Variants in HSP90B1 observed in about 807,000 individuals in gnomAD.
The protein encoded by HSP90B1 is heat shock protein 90 beta family member 1, also known as endoplasmin.
HSP90B1 carries 27 observed loss-of-function variants against 100.4 expected under a neutral mutation model. The ratio of observed to expected loss-of-function variants is 0.27; its 90% CI spans 0.20 to 0.37. HSP90B1 has a LOEUF of 0.37. HSP90B1 is among the 10% of genes least tolerant of loss of function. The probability of loss-of-function intolerance (pLI) is 1.00; values close to 1 mark genes in which losing one functional copy is unlikely to be tolerated. For synonymous variants in HSP90B1, 304 were observed against 330.8 expected (o/e 0.92, Z 0.88); for missense variants, 678 against 960.5 (o/e 0.71, Z 3.89).
chr12:103,935,273 G>T (rs938174000), intron 5 of HSP90B1, among the ~76,000 whole-genome samples: 12 of 152,198 alleles, frequency 7.9e-5, no homozygotes, highest in African/African-American at 2.9e-4. Flanking sequence ...GTTTGTATGG[G>T]TGAGACAGAG....
In HSP90B1 at chr12:103,943,566, AT is replaced by A; in HGVS notation, c.1891-170del. 1 of 725,090 alleles carries A rather than the reference AT, an allele frequency of 1.4e-6. No individual in the cohort carries two copies. The highest frequency in any genetic ancestry group is 2.2e-6 in the Non-Finnish European group (1 of 459,772). 44.9% of individuals were successfully genotyped at this position (725,090 alleles called of 1,614,324 possible). ...TTAAACTTCTGACTAGAAAATTCAG[AT>A]TATCAAGTAAGTGCCCCTACAAATT... On this transcript the variant is annotated intron_variant, in intron 13 of 17. Transcript: ENST00000299767. The surrounding 1 kb of genome is among the most constrained non-coding windows in gnomAD (Gnocchi z 5.3).
intron 15 of HSP90B1, 42 bp from the exon 16 acceptor site, chr12:103,946,744 G>C (rs754285734): frequency 1.2e-6 from 2 of 1,612,868 alleles, no homozygotes; most frequent in Admixed American, 1.7e-5. Context: ...TGAGTACTTT[G>C]TATCTTTTAA....
chr12:103,931,096 G>T (rs1869742151), intron 1 of HSP90B1, among the ~76,000 whole-genome samples: 1 of 152,202 alleles, frequency 6.6e-6, no homozygotes, highest in Non-Finnish European at 1.5e-5. Flanking sequence ...ATGCCTCTGG[G>T]CTCAATTTCA....
rs1173352756 is a variant in HSP90B1, at chr12:103,938,447, A to G, written c.963A>G (p.Pro321=). 4.3e-6 allele frequency: 7 copies of G among 1,609,334 alleles called. No homozygotes were observed. Among genetic ancestry groups the G allele is most frequent in the Admixed American group, 1.7e-5 (1 of 59,364 alleles). The change falls in exon 7 of 18, where the codon CCA becomes CCG. Residue 321 remains proline (P), a synonymous_variant. Transcript: ENST00000299767. ...AVEEEEEEKK[P]KTKKVEKTVW... ...AGGAAGAAGAAGAAGAAAAGAAACC[A>G]AAGACTAAAAAAGTAAGTCTGGTTT...
chr12:103,943,488 G>T lies in HSP90B1; in HGVS notation c.1890+169G>T. 1 of 713,238 alleles carries T rather than the reference G, an allele frequency of 1.4e-6. No individual in the cohort carries two copies. The highest frequency in any genetic ancestry group is 2.3e-6 in the Non-Finnish European group (1 of 439,482). 44.2% of individuals were successfully genotyped at this position (713,238 alleles called of 1,614,324 possible). A position where few individuals can be genotyped will look rare whatever the true frequency, so the allele number is the denominator to read the frequency against. On this transcript the variant is annotated intron_variant, in intron 13 of 17. Transcript: ENST00000299767. The surrounding 1 kb of genome is among the most constrained non-coding windows in gnomAD (Gnocchi z 5.3). ...AAAGCTTAAAACTTTCGACAATACT[G>T]CTTTGTTAATAACTTGTTACAAATT...
chr12:103,935,468 CAGTTTTA>C (rs747677639), intron 5 of HSP90B1, among the ~76,000 whole-genome samples: 68 of 119,936 alleles, frequency 5.7e-4, no homozygotes, highest in Non-Finnish European at 1.1e-3. Context: ...TTTCTTAATT[CAGTTTTA>C]AGTTTTCTTA....
chr12:103,942,677 C>A lies in HSP90B1; in HGVS notation c.1525C>A (p.Leu509Ile). ...CTCGAATCGAACACGTCTTGCTAAA[C>A]TTCTTAGGTTCCAGTCTTCTCATCA... The part of the protein sequence containing the change: ...DHSNRTRLAK[L>I]LRFQSSHHPT... The change falls in exon 12 of 18, where the codon CTT (leucine) becomes ATT (isoleucine). Residue 509 changes from leucine to isoleucine, a missense_variant. By Grantham distance (5) the Leu-to-Ile change is conservative (BLOSUM62 2). This residue lies in a region of HSP90B1 where 170 missense variants were observed against 236.7 expected (regional missense o/e 0.72). Transcript: ENST00000299767. The A allele has an allele frequency of 6.2e-7, 1 of 1,613,964 alleles. No homozygotes were observed. The highest frequency in any genetic ancestry group is 8.5e-7 in the Non-Finnish European group (1 of 1,179,854).
rs1169941328 is a variant in HSP90B1, at chr12:103,930,623, G to T, written c.49+59G>T. On this transcript the variant is annotated intron_variant, in intron 1 of 17. Transcript: ENST00000299767. The surrounding 1 kb of genome is among the most constrained non-coding windows in gnomAD (Gnocchi z 4.4). ...CCACACACGCGGCCGCTTCTCGAAG[G>T]TCCTGGGGGCGTTGAACGTGGGAGG... The T allele has an allele frequency of 2.0e-6, 3 of 1,535,308 alleles. No homozygotes were observed. Among genetic ancestry groups the T allele is most frequent in the Admixed American group, 3.9e-5 (2 of 50,786 alleles).
At position 103,943,803 on chromosome 12, in the gene HSP90B1, C is replaced by T. The variant is rs781455876; in HGVS notation, c.1956C>T (p.Tyr652=). The change falls in exon 14 of 18, where the codon TAC becomes TAT. Residue 652 remains tyrosine, a synonymous_variant. Transcript: ENST00000299767. This position sits in a 1 kb window ranked among gnomAD's most constrained non-coding sequence, Gnocchi z 5.3. ...CGTGTGCTTTGGTGGCCAGCCAGTACGGATGGTCTGGCAACATGGAGAGAA... is the reference window on the plus strand; with the variant it reads ...CGTGTGCTTTGGTGGCCAGCCAGTATGGATGGTCTGGCAACATGGAGAGAA... ...ESPCALVASQ[Y]GWSGNMERIM... 23 of 1,614,096 alleles carry T rather than the reference C, an allele frequency of 1.4e-5. No homozygotes were observed. Among genetic ancestry groups the T allele is most frequent in the East Asian group, 4.5e-5 (2 of 44,892 alleles).
At chr12:103,935,808 T>C (rs1475485813) in intron 5 of HSP90B1, among the ~76,000 whole-genome samples, 2 of 152,202 alleles carry the variant, frequency 1.3e-5, no homozygotes, top group Non-Finnish European at 2.9e-5. Context: ...CAAGAGATGT[T>C]AATGTCAGGT....
rs374505761 is a variant in HSP90B1 at position 103,942,674 on chromosome 12, A to G, written c.1522A>G (p.Lys508Glu). Residue 508 changes from lysine to glutamate, a missense_variant, in exon 12 of 18, where the codon AAA (lysine) becomes GAA (glutamate). By Grantham distance (56) the Lys-to-Glu change is moderately conservative (BLOSUM62 1). Around this residue, in one of 8 missense-constraint regions of HSP90B1, gnomAD observed 170 missense variants for 236.7 expected, o/e 0.72. Coordinates refer to ENST00000299767, the MANE Select transcript of HSP90B1 (RefSeq NM_003299.3). ...EDHSNRTRLA[K>E]LLRFQSSHHP... ...CCACTCGAATCGAACACGTCTTGCTAAACTTCTTAGGTTCCAGTCTTCTCA... is the reference window on the plus strand; with the variant it reads ...CCACTCGAATCGAACACGTCTTGCTGAACTTCTTAGGTTCCAGTCTTCTCA... The G allele has an allele frequency of 2.5e-6, 4 of 1,613,888 alleles. No homozygotes were observed. The highest frequency in any genetic ancestry group is 1.3e-5 in the African/African-American group (1 of 74,938).
At chr12:103,939,679 A>G in intron 8 of HSP90B1, 54 bp downstream of exon 8, 2 of 793,760 alleles carry the variant, frequency 2.5e-6, no homozygotes, top group Non-Finnish European at 4.1e-6. Context: ...ACAAAATATC[A>G]CCCTCTTAGT....
At position 103,943,537 on chromosome 12, in the gene HSP90B1, G is replaced by A. The variant is rs1186045329; in HGVS notation, c.1891-201G>A. The A allele has an allele frequency of 1.4e-6, 1 of 689,716 alleles. No individual in the cohort carries two copies. Among genetic ancestry groups the A allele is most frequent in the African/African-American group, 1.8e-5 (1 of 55,422 alleles). The allele number at this position is 689,716 out of a possible 1,614,324, so 42.7% of individuals were successfully genotyped here. A position where few individuals can be genotyped will look rare whatever the true frequency, so the allele number is the denominator to read the frequency against. ...TTAAATTTTATGTTTTTAAAAGGTG[G>A]TATTTAAACTTCTGACTAGAAAATT... On this transcript the variant is annotated intron_variant, in intron 13 of 17. Coordinates refer to ENST00000299767, the MANE Select transcript of HSP90B1 (RefSeq NM_003299.3). This position sits in a 1 kb window ranked among gnomAD's most constrained non-coding sequence, Gnocchi z 5.3.
intron 3 of HSP90B1, 63 bp from the exon 4 acceptor site, chr12:103,932,763 A>C: frequency 1.1e-6 from 1 of 885,364 alleles, no homozygotes; most frequent in Non-Finnish European, 1.9e-6. Context: ...GTTTGGCATA[A>C]AATCGAATAT....
intron 7 of HSP90B1, chr12:103,938,799 T>C (rs1869994167): frequency 6.4e-6 from 1 of 156,338 alleles, no homozygotes; most frequent in African/African-American, 2.4e-5. Context: ...AAAATGGTTC[T>C]CTGGCTTGCT....
chr12:103,935,108 A>G (rs750211161), intron 5 of HSP90B1, among the ~76,000 whole-genome samples: 18 of 152,218 alleles, frequency 1.2e-4, no homozygotes, highest in Non-Finnish European at 2.6e-4. Flanking sequence ...ATTCAAGATG[A>G]GTGGTAGCAA....
At position 103,947,392 on chromosome 12, in the gene HSP90B1, A is replaced by G. The variant is rs144178041; in HGVS notation, c.2344A>G (p.Met782Val). 1.7e-5 allele frequency: 28 copies of G among 1,611,946 alleles called. No individual in the cohort carries two copies. In the African/African-American group the frequency reaches 3.3e-4, roughly 19 times the overall value. The change falls in exon 17 of 18, where the codon ATG becomes GTG. Residue 782 changes from methionine to valine, a missense_variant. Around this residue, in one of 8 missense-constraint regions of HSP90B1, gnomAD observed 65 missense variants for 65.1 expected, o/e 1.00. Coordinates refer to ENST00000299767, the MANE Select transcript of HSP90B1 (RefSeq NM_003299.3). ...EDTEQDEDEE[M>V]DVGTDEEEET... ...CACAGAGCAAGACGAAGATGAAGAA[A>G]TGGATGTGGGAACAGATGAAGAAGA...
chr12:103,943,014 A>G lies in HSP90B1; in HGVS notation c.1645-60A>G. The stretch of plus-strand genomic sequence containing the variant: ...ATAATGTATAAACATAGCAGCTGCT[A>G]GGATAAACAAATACACCAGGGCCAG... On this transcript the variant is annotated intron_variant, in intron 12 of 17. Transcript: ENST00000299767. This position sits in a 1 kb window ranked among gnomAD's most constrained non-coding sequence, Gnocchi z 5.3. 2 of 1,588,656 alleles carry G rather than the reference A, an allele frequency of 1.3e-6. No individual in the cohort carries two copies. The highest frequency in any genetic ancestry group is 2.3e-5 in the South Asian group (2 of 86,956).
intron 5 of HSP90B1, among the ~76,000 whole-genome samples, chr12:103,934,741 G>A (rs1408249600): frequency 6.6e-6 from 1 of 152,160 alleles, no homozygotes; most frequent in Non-Finnish European, 1.5e-5. Flanking sequence ...CACTCTTGTT[G>A]CCCAGGCTGG....
Sources: gnomAD v4.1 joint callset for allele counts (sites outside exome capture counted in the v4.1 genomes callset) on GRCh38, gnomAD v4.1.1 for gene constraint, gnomAD v4.1.1 regional missense constraint, Gnocchi (gnomAD v3.1) non-coding constraint, MANE v1.5 for transcripts, NCBI Gene and HGNC (gene_info 2026-07-23, HGNC 2026-07-21) for gene names.